LOXL2: variants seen among roughly 807,000 people sequenced by gnomAD.
LOXL2 encodes lysyl oxidase like 2.
Under a neutral mutation model 93.0 loss-of-function variants are expected in LOXL2, and 70 were observed. The observed-to-expected ratio is 0.75, with a 90% confidence interval of 0.62 to 0.92. The LOEUF (loss-of-function observed/expected upper bound fraction) is 0.92. LOXL2 is among the 40% of genes least tolerant of loss of function. LOXL2 has a pLI of 0.00. For synonymous variants in LOXL2, 438 were observed against 413.2 expected, an observed-to-expected ratio of 1.06 and a Z score of -0.73; for missense variants, 973 against 1,054.9, an observed-to-expected ratio of 0.92 and a Z score of 1.08.
At chr8:23,325,380 C>T (rs1189445238) in intron 6 of LOXL2, among the ~76,000 whole-genome samples, 1 of 152,118 alleles carries the variant, frequency 6.6e-6, no homozygotes, top group Non-Finnish European at 1.5e-5. Flanking sequence ...CAGCCTACCT[C>T]GAGGGCTCAA....
intron 3 of LOXL2, among the ~76,000 whole-genome samples, chr8:23,354,410 G>A (rs1804148753): frequency 1.3e-5 from 2 of 152,176 alleles, no homozygotes; most frequent in African/African-American, 2.4e-5. Context: ...ATTCCTGGCC[G>A]CTTTTGAATC....
intron 2 of LOXL2, among the ~76,000 whole-genome samples, chr8:23,361,087 G>T (rs1804283225): frequency 6.6e-6 from 1 of 152,014 alleles, no homozygotes; most frequent in Admixed American, 6.6e-5. Context: ...TTTTAGTAGA[G>T]ATGGAGTGTC....
At chr8:23,347,534 C>T (rs1289276162) in intron 3 of LOXL2, among the ~76,000 whole-genome samples, 2 of 152,156 alleles carry the variant, frequency 1.3e-5, no homozygotes, top group South Asian at 2.1e-4. Flanking sequence ...TCTGTAATCC[C>T]AGCTACTTGG....
rs1804264901 is a variant in LOXL2 at position 23,360,140 on chromosome 8, T to G, written c.481A>C (p.Lys161Gln). 1 of 1,612,034 alleles carries G rather than the reference T, an allele frequency of 6.2e-7. No homozygotes were observed. Among genetic ancestry groups the G allele is most frequent in the African/African-American group, 1.3e-5 (1 of 74,934 alleles). The change falls in exon 3 of 14, where the codon AAA (lysine) becomes CAA (glutamine). Residue 161 changes from lysine to glutamine, a missense_variant. Lys to Gln is a moderately conservative substitution (Grantham distance 53, BLOSUM62 1). Coordinates refer to ENST00000389131, the MANE Select transcript of LOXL2 (RefSeq NM_002318.3). ...TCAAATTTGAACCCAGGAATCCTTT[T>G]GTCGCTGCACACCACACCGACATCC... ...TEDVGVVCSD[K>Q]RIPGFKFDNS...
intron 3 of LOXL2, among the ~76,000 whole-genome samples, chr8:23,354,945 ATATATTTTTTTTTT>A (rs1804163441): frequency 1.8e-5 from 1 of 54,978 alleles, no homozygotes; most frequent in Non-Finnish European, 2.9e-5. Flanking sequence ...ATATATATAT[ATATATTTTTTTTTT>A]TTTTTTTTTT....
intron 3 of LOXL2, among the ~76,000 whole-genome samples, chr8:23,351,723 T>C (rs953769565): frequency 2.2e-4 from 34 of 152,208 alleles, no homozygotes; most frequent in African/African-American, 8.2e-4. Context: ...GATTTTCAGT[T>C]GGGAAAATAG....
At chr8:23,307,941 C>T (rs1289506735) in intron 10 of LOXL2, among the ~76,000 whole-genome samples, 1 of 47,298 alleles carries the variant, frequency 2.1e-5, no homozygotes, top group African/African-American at 7.4e-5. Flanking sequence ...ACTAGGTCAT[C>T]AGCTGCGATA....
intron 1 of LOXL2, among the ~76,000 whole-genome samples, chr8:23,391,962 C>T (rs898933861): frequency 6.6e-6 from 1 of 152,226 alleles, no homozygotes; most frequent in Admixed American, 6.5e-5. Flanking sequence ...GACATCCTCC[C>T]TATGCCCTTC....
chr8:23,388,228 G>T (rs1423585301), intron 1 of LOXL2, among the ~76,000 whole-genome samples: 1 of 152,152 alleles, frequency 6.6e-6, no homozygotes, highest in Non-Finnish European at 1.5e-5. Context: ...TTGGGGAACT[G>T]TGAGCTGCCA....
chr8:23,357,727 A>T (rs1804223255), intron 3 of LOXL2, among the ~76,000 whole-genome samples: 2 of 151,858 alleles, frequency 1.3e-5, no homozygotes, highest in African/African-American at 4.8e-5. Context: ...CTCCAAGTAG[A>T]TTATCCTGAG....
At chr8:23,388,589 CAAGAAA>C (rs934527198) in intron 1 of LOXL2, among the ~76,000 whole-genome samples, 4 of 143,834 alleles carry the variant, frequency 2.8e-5, no homozygotes, top group African/African-American at 1.0e-4. Flanking sequence ...GACTTGTCTC[CAAGAAA>C]AACAAAAACA....
chr8:23,384,778 G>C (rs1016112643), intron 1 of LOXL2, among the ~76,000 whole-genome samples: 1 of 152,160 alleles, frequency 6.6e-6, no homozygotes, highest in East Asian at 1.9e-4. Flanking sequence ...GCCGGGCATG[G>C]TGGCAGGTGC....
chr8:23,307,279 G>A (rs975552463), intron 10 of LOXL2, among the ~76,000 whole-genome samples: 5 of 152,184 alleles, frequency 3.3e-5, no homozygotes, highest in Non-Finnish European at 1.5e-5. Flanking sequence ...CCTGGAGCTC[G>A]AGGTACTCCT....
At position 23,359,448 on chromosome 8, in the gene LOXL2, C is replaced by T. The variant is rs574285020; in HGVS notation, c.531+642G>A. 1.9e-4 allele frequency among the ~76,000 whole-genome samples: 29 copies of T among 152,288 alleles called. 1 individual carries two copies. In the Middle Eastern group the frequency reaches 0.01, roughly 54 times the overall value. On this transcript the variant is annotated intron_variant, in intron 3 of 13. Coordinates refer to ENST00000389131, the MANE Select transcript of LOXL2 (RefSeq NM_002318.3). ...GTCCTGAGGCCACTCAGGCAGCCTA[C>T]GAAGAGGCCACATAGAGAAGAACAG... is the stretch of plus-strand genomic sequence containing the variant.
chr8:23,317,405 C>G (rs531936266), intron 8 of LOXL2, among the ~76,000 whole-genome samples: 1 of 152,128 alleles, frequency 6.6e-6, no homozygotes, highest in South Asian at 2.1e-4. Context: ...ATGGCAGGTG[C>G]ACACAACTCA....
Position 23,298,852 on chromosome 8 carries a change from C to G in LOXL2, c.2229G>C (p.Met743Ile). ...TGGCCTTACCTATGTGGCAGTTGTA[C>G]ATCCAGATGCGGTGGCCGTCATAGC... ...RSRYDGHRIW[M>I]YNCHIGGSFS... Residue 743 changes from methionine to isoleucine, a missense_variant, in exon 13 of 14, where the codon ATG becomes ATC. By Grantham distance (10) the Met-to-Ile change is conservative. Transcript: ENST00000389131. 1 of 1,612,588 alleles carries G rather than the reference C, an allele frequency of 6.2e-7. No homozygotes were observed. Among genetic ancestry groups the G allele is most frequent in the Non-Finnish European group, 8.5e-7 (1 of 1,178,724 alleles).
chr8:23,362,059 C>T (rs1438814935), intron 2 of LOXL2, among the ~76,000 whole-genome samples: 2 of 152,180 alleles, frequency 1.3e-5, no homozygotes, highest in Non-Finnish European at 2.9e-5. Context: ...TATCTACACA[C>T]CTGTGTTCAT....
intron 1 of LOXL2, among the ~76,000 whole-genome samples, chr8:23,395,181 G>A (rs1800075110): frequency 6.6e-6 from 1 of 152,076 alleles, no homozygotes; most frequent in South Asian, 2.1e-4. Flanking sequence ...TTGAACCTGG[G>A]AGACGGAGGT....
At chr8:23,317,218 C>G in intron 8 of LOXL2, 104 bp from the exon 9 acceptor site, 2 of 1,324,148 alleles carry the variant, frequency 1.5e-6, no homozygotes, top group Non-Finnish European at 2.2e-6. Flanking sequence ...GTTTCATGAT[C>G]CCATTTTTCA....
Sources: allele counts gnomAD v4.1 joint callset (sites outside exome capture counted in the v4.1 genomes callset), GRCh38; gene constraint gnomAD v4.1.1; transcripts MANE v1.5; gene names NCBI Gene and HGNC (gene_info 2026-07-23, HGNC 2026-07-21).